Variants in NRXN3 observed in about 807,000 individuals in gnomAD.
The protein encoded by NRXN3 is neurexin III.
In NRXN3, 32 loss-of-function variants were observed where a neutral mutation model predicts 137.6. That is an observed-to-expected ratio of 0.23 (90% CI 0.18 to 0.31). The LOEUF (loss-of-function observed/expected upper bound fraction) is 0.31. Among genes scored for constraint, NRXN3 ranks in the 10% least tolerant of loss-of-function variants. NRXN3 has a pLI of 1.00. For missense variants in NRXN3, 1,574 were observed against 2,062.5 expected (o/e 0.76, Z 4.59); for synonymous variants, 798 against 784.5 (o/e 1.02, Z -0.29).
intron 15 of NRXN3, among the ~76,000 whole-genome samples, chr14:79,045,493 T>C (rs1394571300): frequency 6.6e-6 from 1 of 152,068 alleles, no homozygotes; most frequent in Non-Finnish European, 1.5e-5. Context: ...TGCAGGTGAC[T>C]CAGAGCCCTG....
intron 19 of NRXN3, among the ~76,000 whole-genome samples, chr14:79,774,010 A>G (rs2099088669): frequency 6.6e-6 from 1 of 152,174 alleles, no homozygotes; most frequent in South Asian, 2.1e-4. Context: ...TTAACTGGGG[A>G]AAATTGGGTG....
intron 8 of NRXN3, among the ~76,000 whole-genome samples, chr14:78,735,132 G>T (rs2098535725): frequency 6.6e-6 from 1 of 152,148 alleles, no homozygotes; most frequent in South Asian, 2.1e-4. Context: ...GTGAATTTGA[G>T]ATATTTATAG....
Position 79,148,123 on chromosome 14 carries a change from A to G in NRXN3, c.3262+159982A>G, listed in dbSNP as rs529362789. Among the ~76,000 whole-genome samples, 5 of 152,254 alleles carry G rather than the reference A, an allele frequency of 3.3e-5. No homozygotes were observed. In the East Asian group the frequency reaches 9.7e-4, roughly 30 times the overall value. On this transcript the variant is annotated intron_variant, in intron 15 of 20. Transcript: ENST00000335750. Reference sequence around the variant, plus strand: ...ATATGCAGGGCCCCTCCTTTTATGGAACTTTCATTTTAGGAAGGAGGAAAC... The same window carrying G: ...ATATGCAGGGCCCCTCCTTTTATGGGACTTTCATTTTAGGAAGGAGGAAAC...
At chr14:78,527,825 C>G (rs1311874759) in intron 4 of NRXN3, among the ~76,000 whole-genome samples, 1 of 152,160 alleles carries the variant, frequency 6.6e-6, no homozygotes, top group African/African-American at 2.4e-5. Context: ...GACAATATCT[C>G]TCTTATTGAG....
intron 10 of NRXN3, among the ~76,000 whole-genome samples, chr14:78,822,751 T>C (rs2098954804): frequency 6.6e-6 from 1 of 151,366 alleles, no homozygotes; most frequent in Non-Finnish European, 1.5e-5. Context: ...GACTTAGTCA[T>C]ATGGAATGTT....
In NRXN3 at chr14:78,243,217, C is replaced by T. The variant is rs200560889; in HGVS notation, c.124C>T (p.Arg42Cys). Residue 42 changes from arginine to cysteine, a missense_variant, in exon 2 of 21, where the codon CGC becomes TGC. Physicochemically the swap from Arg to Cys is radical, Grantham distance 180. Around this residue, in one of 5 missense-constraint regions of NRXN3, gnomAD observed 400 missense variants for 527.3 expected, o/e 0.76. Transcript: ENST00000335750. This position sits in a 1 kb window ranked among gnomAD's most constrained non-coding sequence, Gnocchi z 4.2. ...CCCCAACCAGTGGGCCCGCTACCTCCGCTGGGATGCCAGCACACGCAGTGA... is the reference window on the plus strand; with the variant it reads ...CCCCAACCAGTGGGCCCGCTACCTCTGCTGGGATGCCAGCACACGCAGTGA... The part of the protein sequence containing the change: ...GLPNQWARYL[R>C]WDASTRSDLS... The T allele has an allele frequency of 1.8e-5, 28 of 1,548,078 alleles. No individual in the cohort carries two copies. Among genetic ancestry groups the T allele is most frequent in the Non-Finnish European group, 2.3e-5 (27 of 1,154,132 alleles).
chr14:79,390,911 T>A (rs1228801819), intron 15 of NRXN3, among the ~76,000 whole-genome samples: 1 of 152,140 alleles, frequency 6.6e-6, no homozygotes, highest in Non-Finnish European at 1.5e-5. Flanking sequence ...AGTGGGTTAG[T>A]TAGCACGAGA....
intron 8 of NRXN3, among the ~76,000 whole-genome samples, chr14:78,736,313 A>G (rs2098541107): frequency 6.6e-6 from 1 of 152,216 alleles, no homozygotes; most frequent in Non-Finnish European, 1.5e-5. Context: ...TTTTGGTGGC[A>G]GGCAGAATTG....
At chr14:79,346,866 G>A (rs1253008010) in intron 15 of NRXN3, among the ~76,000 whole-genome samples, 1 of 152,092 alleles carries the variant, frequency 6.6e-6, no homozygotes, top group Non-Finnish European at 1.5e-5. Context: ...AGTTCATGAG[G>A]TCTGTGTTTC....
intron 4 of NRXN3, among the ~76,000 whole-genome samples, chr14:78,302,091 T>A (rs1344684004): frequency 6.6e-6 from 1 of 152,208 alleles, no homozygotes; most frequent in Non-Finnish European, 1.5e-5. Flanking sequence ...CAGCCACCAA[T>A]CTGCCTAGGA....
At chr14:78,379,083 A>C (rs2088520558) in intron 4 of NRXN3, among the ~76,000 whole-genome samples, 1 of 152,150 alleles carries the variant, frequency 6.6e-6, no homozygotes, top group Non-Finnish European at 1.5e-5. Flanking sequence ...TAAAATAGAT[A>C]ATATGAGTAG....
intron 10 of NRXN3, among the ~76,000 whole-genome samples, chr14:78,818,890 A>T (rs2098942406): frequency 1.3e-5 from 2 of 152,126 alleles, no homozygotes; most frequent in Admixed American, 6.6e-5. Context: ...TGGACCTCAG[A>T]TGTATGTATC....
chr14:79,767,453 G>A (rs910618592), intron 19 of NRXN3, among the ~76,000 whole-genome samples: 1 of 152,100 alleles, frequency 6.6e-6, no homozygotes, highest in Non-Finnish European at 1.5e-5. Flanking sequence ...TCACTTATAT[G>A]CTGTCATAAC....
At chr14:79,630,984 A>G (rs971988395) in intron 16 of NRXN3, among the ~76,000 whole-genome samples, 11 of 152,186 alleles carry the variant, frequency 7.2e-5, no homozygotes, top group Non-Finnish European at 1.5e-4. Context: ...CAGTGGTAGA[A>G]GTTTTTTTTA....
rs2098643157 is a variant in NRXN3, at chr14:78,751,686, A to C, written c.2044+36547A>C. ...GCACTGCTGACTGCTTCCTAAAGAAAGTGTGCCTGCCCTGGAGGGGACGGA... is the reference window on the plus strand; with the variant it reads ...GCACTGCTGACTGCTTCCTAAAGAACGTGTGCCTGCCCTGGAGGGGACGGA... On this transcript the variant is annotated intron_variant, in intron 8 of 20. Transcript: ENST00000335750. 2.6e-5 allele frequency among the ~76,000 whole-genome samples: 4 copies of C among 152,124 alleles called. No homozygotes were observed. In the South Asian group the frequency reaches 8.3e-4, roughly 31 times the overall value.
intron 16 of NRXN3, among the ~76,000 whole-genome samples, chr14:79,531,429 G>C (rs953821765): frequency 2.0e-5 from 3 of 152,126 alleles, no homozygotes; most frequent in Non-Finnish European, 4.4e-5. Context: ...GTTAATAGTA[G>C]AATAATATGA....
intron 15 of NRXN3, among the ~76,000 whole-genome samples, chr14:79,292,935 G>A (rs377400498): frequency 1.4e-4 from 21 of 152,200 alleles, no homozygotes; most frequent in African/African-American, 4.8e-4. Context: ...TCAGTGCAGT[G>A]TTGTCACAGG....
At chr14:79,215,721 C>T (rs552419615) in intron 15 of NRXN3, among the ~76,000 whole-genome samples, 2 of 152,260 alleles carry the variant, frequency 1.3e-5, no homozygotes, top group Admixed American at 6.5e-5. Context: ...ATGGGAACTA[C>T]AATTCGAGAT....
chr14:78,589,176 C>T (rs1359279323), intron 4 of NRXN3, among the ~76,000 whole-genome samples: 3 of 152,146 alleles, frequency 2.0e-5, no homozygotes, highest in Non-Finnish European at 4.4e-5. Context: ...TGCATTCTAC[C>T]GTTTAAGGCC....
Sources: allele counts gnomAD v4.1 joint callset (sites outside exome capture counted in the v4.1 genomes callset), GRCh38; gene constraint gnomAD v4.1.1; regional missense constraint gnomAD v4.1.1; non-coding constraint Gnocchi (gnomAD v3.1); transcripts MANE v1.5; gene names NCBI Gene and HGNC (gene_info 2026-07-23, HGNC 2026-07-21).